HOXD1: variants seen among roughly 807,000 people sequenced by gnomAD.
HOXD1 encodes homeobox D1.
HOXD1 carries 17 observed loss-of-function variants against 19.9 expected under a neutral mutation model. The ratio of observed to expected loss-of-function variants is 0.85; its 90% CI spans 0.58 to 1.28. The LOEUF is 1.28. Ranked by LOEUF, HOXD1 falls within the 50% of genes most tolerant of loss-of-function variation. HOXD1 has a pLI of 0.00. For missense variants in HOXD1, 500 were observed against 460.1 expected (o/e 1.09, Z -0.79); for synonymous variants, 239 against 216.0 (o/e 1.11, Z -0.93).
chr2:176,190,317 G>C lies in HOXD1; in HGVS notation c.*175G>C. 1 of 578,532 alleles carries C rather than the reference G, an allele frequency of 1.7e-6. No homozygotes were observed. Among genetic ancestry groups the C allele is most frequent in the South Asian group, 2.5e-5 (1 of 40,436 alleles). The allele number at this position is 578,532 out of a possible 1,614,324, so 35.8% of individuals were successfully genotyped here. A position where few individuals can be genotyped will look rare whatever the true frequency, so the allele number is the denominator to read the frequency against. ...TTCCGAGTTCCAGACTATATGTCCA[G>C]ATATTAATTGACTGTCTTGTAAGCC... On this transcript the variant is annotated 3_prime_UTR_variant, in exon 2 of 2. Coordinates refer to ENST00000331462, the MANE Select transcript of HOXD1 (RefSeq NM_024501.3).
chr2:176,188,697 G>C lies in HOXD1; in HGVS notation c.-105G>C, dbSNP rs1015195005. On this transcript the variant is annotated 5_prime_UTR_variant, in exon 1 of 2. The change abolishes the stop of an existing upstream ORF in the 5' untranslated region. Coordinates refer to ENST00000331462, the MANE Select transcript of HOXD1 (RefSeq NM_024501.3). The stretch of plus-strand genomic sequence containing the variant: ...TGGGTTGGAGAGGGCAGCTCGGGTA[G>C]AGAGGGCTGGCGGAGCGGCGCAGAC... The C allele has an allele frequency of 1.6e-6, 2 of 1,212,318 alleles. No individual in the cohort carries two copies. Among genetic ancestry groups the C allele is most frequent in the African/African-American group, 1.5e-5 (1 of 65,616 alleles). 75.1% of individuals were successfully genotyped at this position (1,212,318 alleles called of 1,614,324 possible).
At position 176,189,268 on chromosome 2, in the gene HOXD1, C is replaced by T. The variant is rs1254054904; in HGVS notation, c.467C>T (p.Ala156Val). ...FLLSGQVDYA[A>V]FGEPGPFPAC... ...CTCAGCGGCCAGGTGGATTACGCGG[C>T]CTTCGGCGAACCCGGCCCTTTTCCG... The change falls in exon 1 of 2, where the codon GCC becomes GTC. Residue 156 changes from alanine to valine, a missense_variant. Coordinates refer to ENST00000331462, the MANE Select transcript of HOXD1 (RefSeq NM_024501.3). 3.1e-6 allele frequency: 5 copies of T among 1,601,860 alleles called. No homozygotes were observed. Among genetic ancestry groups the T allele is most frequent in the Non-Finnish European group, 4.3e-6 (5 of 1,175,096 alleles).
chr2:176,188,972 C>A lies in HOXD1; in HGVS notation c.171C>A (p.Ala57=), dbSNP rs559084862. The A allele has an allele frequency of 1.2e-4, 181 of 1,492,008 alleles. No homozygotes were observed. Among genetic ancestry groups the A allele is most frequent in the Admixed American group, 2.2e-4 (10 of 44,674 alleles). The allele number at this position is 1,492,008 out of a possible 1,614,324, so 92.4% of individuals were successfully genotyped here. ...DGAFVSCLPL[A]AARPSPSPPA... is the part of the protein sequence containing the mutation. The stretch of plus-strand genomic sequence containing the variant: ...CCTTCGTCAGCTGTCTGCCCCTGGC[C>A]GCCGCCCGACCCTCGCCTTCGCCCC... Residue 57 remains alanine, a synonymous_variant, in exon 1 of 2, where the codon GCC becomes GCA. Transcript: ENST00000331462.
In HOXD1 at chr2:176,188,917, C is replaced by T. The variant is rs746250392; in HGVS notation, c.116C>T (p.Pro39Leu). The T allele has an allele frequency of 8.2e-6, 13 of 1,585,026 alleles. 1 individual carries two copies. In the Admixed American group the frequency reaches 2.1e-4, roughly 25 times the overall value. ...GACGCCCGGCCCGTGGCTCTGCAGC[C>T]CGCCTTCCCTCTGGGCAACGGCGAC... is the stretch of plus-strand genomic sequence containing the variant. ...RSDARPVALQ[P>L]AFPLGNGDGA... The change falls in exon 1 of 2, where the codon CCC becomes CTC. Residue 39 changes from proline (P) to leucine (L), a missense_variant. Transcript: ENST00000331462.
At position 176,188,998 on chromosome 2, in the gene HOXD1, C is replaced by A. The variant is rs758946357; in HGVS notation, c.197C>A (p.Pro66Gln). The A allele has an allele frequency of 7.0e-7, 1 of 1,426,730 alleles. No homozygotes were observed. The highest frequency in any genetic ancestry group is 9.1e-7 in the Non-Finnish European group (1 of 1,103,646). 88.4% of individuals were successfully genotyped at this position (1,426,730 alleles called of 1,614,324 possible). Residue 66 changes from proline (P) to glutamine (Q), a missense_variant, in exon 1 of 2, where the codon CCG (proline) becomes CAG (glutamine). Physicochemically the swap from Pro to Gln is moderately conservative, Grantham distance 76. Coordinates refer to ENST00000331462, the MANE Select transcript of HOXD1 (RefSeq NM_024501.3). ...GCCGCCCGACCCTCGCCTTCGCCCC[C>A]GGCCGCCCCCGCGCGGCCGTCCGTA... ...LAAARPSPSP[P>Q]AAPARPSVPP...
Position 176,189,460 on chromosome 2 carries a change from C to CCG in HOXD1, c.652+10_652+11dup, listed in dbSNP as rs1335480588. The stretch of plus-strand genomic sequence containing the variant: ...AGGAATGCCTCTAAGAAAGGTAAGT[C>CCG]CGCGGGCCTTGGATGGGGCCACCTG... On this transcript the variant is annotated splice_region_variant and intron_variant, in intron 1 of 1. Coordinates refer to ENST00000331462, the MANE Select transcript of HOXD1 (RefSeq NM_024501.3). 2 of 1,611,790 alleles carry CCG rather than the reference C, an allele frequency of 1.2e-6. No homozygotes were observed.
In HOXD1 at chr2:176,189,473, A is replaced by T; in HGVS notation, c.652+20A>T. On this transcript the variant is annotated intron_variant, in intron 1 of 1. Transcript: ENST00000331462. ...AGAAAGGTAAGTCCGCGGGCCTTGG[A>T]TGGGGCCACCTGGGGTTGGGGACGG... 1 of 1,611,872 alleles carries T rather than the reference A, an allele frequency of 6.2e-7. No individual in the cohort carries two copies.
chr2:176,188,786 A>G lies in HOXD1; in HGVS notation c.-16A>G. 1.2e-6 allele frequency: 2 copies of G among 1,606,156 alleles called. No individual in the cohort carries two copies. The highest frequency in any genetic ancestry group is 1.7e-6 in the Non-Finnish European group (2 of 1,177,118). On this transcript the variant is annotated 5_prime_UTR_variant, in exon 1 of 2. Transcript: ENST00000331462. ...CCGGCCCCGGCCTGCGCCCTCAGAA[A>G]GGTGGGGCCCGAACCATGAGCTCCT...
At position 176,190,877 on chromosome 2, in the gene HOXD1, T is replaced by G. The variant is rs575739295; in HGVS notation, c.*735T>G. 2.7e-5 allele frequency: 4 copies of G among 150,156 alleles called. No individual in the cohort carries two copies. The highest frequency in any genetic ancestry group is 4.2e-4 in the South Asian group (2 of 4,802). The allele number at this position is 150,156 out of a possible 1,614,324, so 9.3% of individuals were successfully genotyped here. A position where few individuals can be genotyped will look rare whatever the true frequency, so the allele number is the denominator to read the frequency against. On this transcript the variant is annotated 3_prime_UTR_variant, in exon 2 of 2. Coordinates refer to ENST00000331462, the MANE Select transcript of HOXD1 (RefSeq NM_024501.3). ...ATTTAATGTCATAGCATGTAAAGGG[T>G]TTTTTTTGTAATAAAAATTATAGAA...
chr2:176,188,699 G>C lies in HOXD1; in HGVS notation c.-103G>C, dbSNP rs773488522. The stretch of plus-strand genomic sequence containing the variant: ...GGTTGGAGAGGGCAGCTCGGGTAGA[G>C]AGGGCTGGCGGAGCGGCGCAGACGG... On this transcript the variant is annotated 5_prime_UTR_variant, in exon 1 of 2. Transcript: ENST00000331462. The C allele has an allele frequency of 4.1e-6, 5 of 1,229,764 alleles. No homozygotes were observed. Among genetic ancestry groups the C allele is most frequent in the Non-Finnish European group, 5.8e-6 (5 of 861,204 alleles). The allele number at this position is 1,229,764 out of a possible 1,614,324, so 76.2% of individuals were successfully genotyped here.
chr2:176,188,705 T>G lies in HOXD1; in HGVS notation c.-97T>G, dbSNP rs766815409. 25 of 1,293,316 alleles carry G rather than the reference T, an allele frequency of 1.9e-5. No individual in the cohort carries two copies. The highest frequency in any genetic ancestry group is 1.9e-4 in the Middle Eastern group (1 of 5,138). The allele number at this position is 1,293,316 out of a possible 1,614,324, so 80.1% of individuals were successfully genotyped here. A position where few individuals can be genotyped will look rare whatever the true frequency, so the allele number is the denominator to read the frequency against. ...AGAGGGCAGCTCGGGTAGAGAGGGC[T>G]GGCGGAGCGGCGCAGACGGCGGCAG... On this transcript the variant is annotated 5_prime_UTR_variant, in exon 1 of 2. Coordinates refer to ENST00000331462, the MANE Select transcript of HOXD1 (RefSeq NM_024501.3).
In HOXD1 at chr2:176,190,418, C is replaced by A; in HGVS notation, c.*276C>A. ...CAGCCCAGCTCCGCTGCTATCTTTG[C>A]CTCACTTAGTCATGTGCAATTCGCG... is the stretch of plus-strand genomic sequence containing the variant. On this transcript the variant is annotated 3_prime_UTR_variant, in exon 2 of 2. Coordinates refer to ENST00000331462, the MANE Select transcript of HOXD1 (RefSeq NM_024501.3). 2.1e-6 allele frequency: 1 copy of A among 468,200 alleles called. No individual in the cohort carries two copies. Among genetic ancestry groups the A allele is most frequent in the South Asian group, 3.8e-5 (1 of 26,272 alleles). The allele number at this position is 468,200 out of a possible 1,614,324, so 29.0% of individuals were successfully genotyped here. A position where few individuals can be genotyped will look rare whatever the true frequency, so the allele number is the denominator to read the frequency against.
chr2:176,189,664 T>C, intron 1 of HOXD1, 144 bp from the exon 2 acceptor site: 2 of 1,586,508 alleles, frequency 1.3e-6, no homozygotes, highest in South Asian at 1.1e-5. Flanking sequence ...GAAGGAGCTC[T>C]CCGTGGAACT....
At position 176,189,853 on chromosome 2, in the gene HOXD1, G is replaced by T; in HGVS notation, c.698G>T (p.Arg233Leu). 6.2e-7 allele frequency: 1 copy of T among 1,614,162 alleles called. No homozygotes were observed. The highest frequency in any genetic ancestry group is 2.2e-5 in the East Asian group (1 of 44,866). Residue 233 changes from arginine to leucine, a missense_variant, in exon 2 of 2, where the codon CGC becomes CTC. Arg to Leu is a moderately radical substitution (Grantham distance 102). Coordinates refer to ENST00000331462, the MANE Select transcript of HOXD1 (RefSeq NM_024501.3). ...GCCGCTAGCCCCTCCAGCGCGATCC[G>T]CACGAATTTCAGCACCAAGCAACTG... ...YGAASPSSAIRTNFSTKQLTE... is the reference protein window; with the variant it reads ...YGAASPSSAILTNFSTKQLTE...
chr2:176,189,114 G>A lies in HOXD1; in HGVS notation c.313G>A (p.Asp105Asn). 2 of 1,551,768 alleles carry A rather than the reference G, an allele frequency of 1.3e-6. No homozygotes were observed. The highest frequency in any genetic ancestry group is 1.2e-5 in the South Asian group (1 of 82,320). ...ACCTGCCGCGGCAGCTGGGGGCGCG[G>A]ACTACGGCTTCCTGGGGTCCGGGCC... ...AAPAAAAGGA[D>N]YGFLGSGPAY... The change falls in exon 1 of 2, where the codon GAC (aspartate) becomes AAC (asparagine). Residue 105 changes from aspartate to asparagine, a missense_variant. Physicochemically the swap from Asp to Asn is conservative, Grantham distance 23. Transcript: ENST00000331462.
In HOXD1 at chr2:176,189,156, G is replaced by A. The variant is rs751975369; in HGVS notation, c.355G>A (p.Gly119Ser). 1 of 1,590,908 alleles carries A rather than the reference G, an allele frequency of 6.3e-7. No homozygotes were observed. Among genetic ancestry groups the A allele is most frequent in the Middle Eastern group, 1.8e-4 (1 of 5,636 alleles). Residue 119 changes from glycine (G) to serine (S), a missense_variant, in exon 1 of 2, where the codon GGC becomes AGC. Gly to Ser is a moderately conservative substitution (Grantham distance 56, BLOSUM62 0). Transcript: ENST00000331462. ...GTCCGGGCCGGCGTACGACTTCCCG[G>A]GCGTGCTGGGGCGGGCGGCCGACGA... Reference protein sequence around the residue: ...LGSGPAYDFPGVLGRAADDGG... With the variant: ...LGSGPAYDFPSVLGRAADDGG...
In HOXD1 at chr2:176,189,349, C is replaced by G. The variant is rs754413010; in HGVS notation, c.548C>G (p.Pro183Arg). Residue 183 changes from proline (P) to arginine (R), a missense_variant, in exon 1 of 2, where the codon CCG becomes CGG. Transcript: ENST00000331462. ...CCTGGTGCTTTCCAGACCGCATCCC[C>G]GGCCCCAGGCACCTACCCCAAGTCC... The part of the protein sequence containing the change: ...GHPGAFQTAS[P>R]APGTYPKSVS... The G allele has an allele frequency of 1.2e-5, 20 of 1,612,984 alleles. No homozygotes were observed. Among genetic ancestry groups the G allele is most frequent in the Non-Finnish European group, 1.7e-5 (20 of 1,179,944 alleles).
In HOXD1 at chr2:176,188,788, G is replaced by A. The variant is rs1406278972; in HGVS notation, c.-14G>A. The A allele has an allele frequency of 1.2e-6, 2 of 1,606,476 alleles. No homozygotes were observed. Among genetic ancestry groups the A allele is most frequent in the Non-Finnish European group, 8.5e-7 (1 of 1,177,346 alleles). On this transcript the variant is annotated 5_prime_UTR_variant, in exon 1 of 2. The change creates a new upstream start codon in the 5' untranslated region. Transcript: ENST00000331462. ...GGCCCCGGCCTGCGCCCTCAGAAAG[G>A]TGGGGCCCGAACCATGAGCTCCTAC...
In HOXD1 at chr2:176,189,283, G is replaced by A. The variant is rs1273001165; in HGVS notation, c.482G>A (p.Gly161Asp). The A allele has an allele frequency of 1.2e-6, 2 of 1,606,976 alleles. No homozygotes were observed. Among genetic ancestry groups the A allele is most frequent in the African/African-American group, 1.3e-5 (1 of 74,798 alleles). The stretch of plus-strand genomic sequence containing the variant: ...GATTACGCGGCCTTCGGCGAACCCG[G>A]CCCTTTTCCGGCTTGTCTCAAAGCG... Reference protein sequence around the residue: ...QVDYAAFGEPGPFPACLKASA... With the variant: ...QVDYAAFGEPDPFPACLKASA... The change falls in exon 1 of 2, where the codon GGC becomes GAC. Residue 161 changes from glycine (G) to aspartate (D), a missense_variant. Physicochemically the swap from Gly to Asp is moderately conservative, Grantham distance 94 (BLOSUM62 -1). Coordinates refer to ENST00000331462, the MANE Select transcript of HOXD1 (RefSeq NM_024501.3).
Sources: gnomAD v4.1 joint callset for allele counts on GRCh38, gnomAD v4.1.1 for gene constraint, MANE v1.5 for transcripts, NCBI Gene and HGNC (gene_info 2026-07-23, HGNC 2026-07-21) for gene names.